MSH4: variants seen among roughly 807,000 people sequenced by gnomAD.
MSH4 encodes mutS protein homolog 4.
MSH4 carries 106 observed loss-of-function variants against 113.7 expected under a neutral mutation model. The ratio of observed to expected loss-of-function variants is 0.93; its 90% CI spans 0.80 to 1.10. MSH4 has a LOEUF of 1.10. Among genes scored for constraint, MSH4 ranks in the 50% least tolerant of loss-of-function variants. The pLI, the probability that MSH4 is intolerant of heterozygous loss-of-function variation, is 0.00. For missense variants in MSH4, 1,061 were observed against 1,093.7 expected (o/e 0.97, Z 0.42); for synonymous variants, 368 against 380.2 (o/e 0.97, Z 0.37).
chr1:75,797,086 G>C lies in MSH4; in HGVS notation c.101G>C (p.Gly34Ala), dbSNP rs745618288. The change falls in exon 1 of 20, where the codon GGA becomes GCA. Residue 34 changes from glycine (G) to alanine (A), a missense_variant. Gly to Ala is a moderately conservative substitution (Grantham distance 60). Transcript: ENST00000263187. ...CCTCAGGGTCCCCGCTACAATTTCGGACTCCAGGAGACTCCACAGAGCCGC... is the reference window on the plus strand; with the variant it reads ...CCTCAGGGTCCCCGCTACAATTTCGCACTCCAGGAGACTCCACAGAGCCGC... ...RSPQGPRYNF[G>A]LQETPQSRPS... The C allele has an allele frequency of 7.4e-6, 12 of 1,613,886 alleles. No individual in the cohort carries two copies. The highest frequency in any genetic ancestry group is 1.3e-5 in the African/African-American group (1 of 74,920).
chr1:75,845,104 T>G (rs945724410), intron 7 of MSH4, among the ~76,000 whole-genome samples: 3 of 152,216 alleles, frequency 2.0e-5, no homozygotes, highest in Non-Finnish European at 2.9e-5. Flanking sequence ...AATCACCCTT[T>G]AAAGGTCCCA....
At chr1:75,897,758 A>G (rs891211426) in intron 17 of MSH4, 149 bp from the exon 18 acceptor site, 1 of 435,168 alleles carries the variant, frequency 2.3e-6, no homozygotes, top group Non-Finnish European at 4.1e-6. Context: ...TGGATTGATA[A>G]TGTTAGCCTC....
chr1:75,814,443 C>G (rs5019550), intron 4 of MSH4, among the ~76,000 whole-genome samples: 120,277 of 151,738 alleles, frequency 0.79, 48,214 homozygotes, highest in South Asian at 0.9. Context: ...CCAGCCTGGG[C>G]AACAGAGTGA....
intron 7 of MSH4, among the ~76,000 whole-genome samples, chr1:75,840,817 A>G (rs563923453): frequency 6.6e-6 from 1 of 152,308 alleles, no homozygotes; most frequent in African/African-American, 2.4e-5. Flanking sequence ...CAAGGACCTC[A>G]CATCCATGTT....
intron 9 of MSH4, among the ~76,000 whole-genome samples, chr1:75,872,614 A>G (rs1651739240): frequency 6.6e-6 from 1 of 151,902 alleles, no homozygotes; most frequent in Admixed American, 6.6e-5. Flanking sequence ...TTTTAAAAAA[A>G]AGAAAGAAAG....
rs1351057743 is a variant in MSH4, at chr1:75,797,022, G to A, written c.37G>A (p.Ala13Thr). ...TGAGATCTCATCAACCTCGCCTTCT[G>A]CCCCGGCGGTTTCCCCGTCGTCGGG... ...RPEISSTSPS[A>T]PAVSPSSGET... Residue 13 changes from alanine (A) to threonine (T), a missense_variant, in exon 1 of 20, where the codon GCC becomes ACC. By Grantham distance (58) the Ala-to-Thr change is moderately conservative (BLOSUM62 0). Coordinates refer to ENST00000263187, the MANE Select transcript of MSH4 (RefSeq NM_002440.4). 3.1e-6 allele frequency: 5 copies of A among 1,613,996 alleles called. No individual in the cohort carries two copies. The East Asian group carries it at 6.7e-5, about 22-fold the overall frequency.
rs1197597687 is a variant in MSH4, at chr1:75,911,842, A to G, written c.2620-854A>G. Among the ~76,000 whole-genome samples, 9 of 152,174 alleles carry G rather than the reference A, an allele frequency of 5.9e-5. No individual in the cohort carries two copies. The East Asian group carries it at 9.7e-4, about 16-fold the overall frequency. ...AAAAAAAAATCTGGAGTTGCTTGCTATTATGAGTTGAAGGGATTATATTTC... is the reference window on the plus strand; with the variant it reads ...AAAAAAAAATCTGGAGTTGCTTGCTGTTATGAGTTGAAGGGATTATATTTC... On this transcript the variant is annotated intron_variant, in intron 19 of 19. Coordinates refer to ENST00000263187, the MANE Select transcript of MSH4 (RefSeq NM_002440.4).
At chr1:75,906,452 T>C (rs1470925502) in intron 19 of MSH4, among the ~76,000 whole-genome samples, 2 of 45,654 alleles carry the variant, frequency 4.4e-5, no homozygotes, top group African/African-American at 1.8e-4. Context: ...ATAATATATA[T>C]ACAATATTAT....
chr1:75,853,000 G>A (rs910859607), intron 8 of MSH4, among the ~76,000 whole-genome samples: 1 of 152,084 alleles, frequency 6.6e-6, no homozygotes, highest in Non-Finnish European at 1.5e-5. Context: ...GTTATACAGA[G>A]CTGAGCCTGC....
At chr1:75,813,246 T>C (rs1650225990) in intron 4 of MSH4, among the ~76,000 whole-genome samples, 1 of 152,290 alleles carries the variant, frequency 6.6e-6, no homozygotes, top group African/African-American at 2.4e-5. Context: ...TGGGGGTAGA[T>C]ACACTATAAT....
At position 75,797,181 on chromosome 1, in the gene MSH4, A is replaced by T; in HGVS notation, c.196A>T (p.Ser66Cys). 3.1e-6 allele frequency: 5 copies of T among 1,609,718 alleles called. No homozygotes were observed. The highest frequency in any genetic ancestry group is 4.2e-6 in the Non-Finnish European group (5 of 1,178,196). Residue 66 changes from serine (S) to cysteine (C), a missense_variant, in exon 1 of 20, where the codon AGC becomes TGC. By Grantham distance (112) the Ser-to-Cys change is moderately radical. Coordinates refer to ENST00000263187, the MANE Select transcript of MSH4 (RefSeq NM_002440.4). ...AGGAGCTGCGGGCGACCGGAGCAGC[A>T]GCAGCAGCAGCCTTCCCTGCCCCGC... ...TSGAAGDRSS[S>C]SSSLPCPAPN... is the part of the protein sequence containing the mutation.
At chr1:75,806,374 A>T (rs1465447607) in intron 2 of MSH4, among the ~76,000 whole-genome samples, 1 of 149,898 alleles carries the variant, frequency 6.7e-6, no homozygotes, top group East Asian at 2.0e-4. Context: ...CAGCCTCTCG[A>T]GTAGCTGGGA....
intron 8 of MSH4, among the ~76,000 whole-genome samples, chr1:75,859,887 C>T (rs1398461902): frequency 6.6e-6 from 1 of 152,036 alleles, no homozygotes; most frequent in Non-Finnish European, 1.5e-5. Context: ...TATTACTGTG[C>T]AGGAGTCTAA....
At chr1:75,883,137 T>G (rs866148852) in intron 14 of MSH4, among the ~76,000 whole-genome samples, 3 of 151,410 alleles carry the variant, frequency 2.0e-5, no homozygotes, top group African/African-American at 7.3e-5. Flanking sequence ...CACAAGTAGC[T>G]GGGACTACAG....
intron 8 of MSH4, among the ~76,000 whole-genome samples, chr1:75,862,312 T>A (rs1418496251): frequency 6.6e-6 from 1 of 152,096 alleles, no homozygotes; most frequent in East Asian, 1.9e-4. Context: ...GCAGTCCCAG[T>A]GAGATGAATC....
chr1:75,818,602 T>C (rs918458538), intron 6 of MSH4, among the ~76,000 whole-genome samples: 20 of 152,330 alleles, frequency 1.3e-4, no homozygotes, highest in Middle Eastern at 6.8e-3. Flanking sequence ...TCCTCATTAT[T>C]GTTGTCATGA....
intron 15 of MSH4, among the ~76,000 whole-genome samples, chr1:75,888,070 GTTA>G (rs1207880601): frequency 6.7e-6 from 1 of 149,750 alleles, no homozygotes; most frequent in African/African-American, 2.5e-5. Context: ...TATAGGTGCC[GTTA>G]TTATAATTAC....
At chr1:75,836,834 A>T (rs1650839758) in intron 7 of MSH4, among the ~76,000 whole-genome samples, 1 of 152,112 alleles carries the variant, frequency 6.6e-6, no homozygotes, top group African/African-American at 2.4e-5. Context: ...CTCTTCAAAG[A>T]TATGTTCTGG....
At position 75,807,105 on chromosome 1, in the gene MSH4, A is replaced by G. The variant is rs1650086866; in HGVS notation, c.552A>G (p.Ile184Met). Reference protein sequence around the residue: ...ASIDLKNPQIILSQFADNTTY... With the variant: ...ASIDLKNPQIMLSQFADNTTY... ...TTGATTTAAAAAACCCCCAAATTAT[A>G]CTATCCCAGTTTGCAGACAACACAA... The change falls in exon 3 of 20, where the codon ATA (isoleucine) becomes ATG (methionine). Residue 184 changes from isoleucine (I) to methionine (M), a missense_variant. Transcript: ENST00000263187. 6.3e-7 allele frequency: 1 copy of G among 1,577,088 alleles called. No homozygotes were observed. The highest frequency in any genetic ancestry group is 8.6e-7 in the Non-Finnish European group (1 of 1,169,478).
Sources: allele counts gnomAD v4.1 joint callset (sites outside exome capture counted in the v4.1 genomes callset), GRCh38; gene constraint gnomAD v4.1.1; transcripts MANE v1.5; gene names NCBI Gene and HGNC (gene_info 2026-07-23, HGNC 2026-07-21).